The following CBL variants were observed in gnomAD, a reference collection of about 807,000 sequenced individuals.
CBL encodes the protein Cbl proto-oncogene, also known as E3 ubiquitin-protein ligase CBL.
A neutral mutation model predicts 96.9 loss-of-function variants in CBL; 45 were observed. That is an observed-to-expected ratio of 0.46 (90% CI 0.37 to 0.60). CBL has a LOEUF of 0.60. CBL is among the 20% of genes least tolerant of loss of function. The pLI is 0.00. For missense variants in CBL, 1,024 were observed against 1,143.5 expected (o/e 0.90, Z 1.51); for synonymous variants, 420 against 426.8 (o/e 0.98, Z 0.20).
In CBL at chr11:119,285,426, T is replaced by C. The variant is rs1271364778; in HGVS notation, c.1801T>C (p.Ser601Pro). 6.2e-7 allele frequency: 1 copy of C among 1,614,168 alleles called. No individual in the cohort carries two copies. Among genetic ancestry groups the C allele is most frequent in the Admixed American group, 1.7e-5 (1 of 60,016 alleles). The change falls in exon 11 of 16, where the codon TCT becomes CCT. Residue 601 changes from serine to proline, a missense_variant. Physicochemically the swap from Ser to Pro is moderately conservative, Grantham distance 74. Transcript: ENST00000264033. ...LPRPIPKVPVSAPSSSDPWTG... is the reference protein window; with the variant it reads ...LPRPIPKVPVPAPSSSDPWTG... The stretch of plus-strand genomic sequence containing the variant: ...CCGGCCAATCCCCAAAGTACCAGTA[T>C]CTGCCCCAAGTTCCAGTGATCCCTG...
intron 1 of CBL, among the ~76,000 whole-genome samples, chr11:119,213,752 G>C (rs1949336292): frequency 6.6e-6 from 1 of 152,022 alleles, no homozygotes. Flanking sequence ...TGATACCCAG[G>C]CTGGAGTGCA....
rs552496234 is a variant in CBL at position 119,301,902 on chromosome 11, A to C, written c.*2121A>C. 29 of 232,320 alleles carry C rather than the reference A, an allele frequency of 1.2e-4. No homozygotes were observed. The highest frequency in any genetic ancestry group is 5.8e-4 in the African/African-American group (26 of 45,072). 14.4% of individuals were successfully genotyped at this position (232,320 alleles called of 1,614,324 possible). A position where few individuals can be genotyped will look rare whatever the true frequency, so the allele number is the denominator to read the frequency against. On this transcript the variant is annotated 3_prime_UTR_variant, in exon 16 of 16. Coordinates refer to ENST00000264033, the MANE Select transcript of CBL (RefSeq NM_005188.4). The stretch of plus-strand genomic sequence containing the variant: ...TTGAAGGCCTAGACAAAGAACTAGA[A>C]AAAAAAAAGCAGTTTCCAGGCCCAT...
chr11:119,297,560 C>A, intron 14 of CBL, 79 bp downstream of exon 14: 1 of 1,075,430 alleles, frequency 9.3e-7, no homozygotes, highest in Non-Finnish European at 1.4e-6. Flanking sequence ...ATTGAGATAG[C>A]TTGATCTAAG....
At chr11:119,267,608 CTG>C (rs1290149241) in intron 2 of CBL, among the ~76,000 whole-genome samples, 4 of 152,188 alleles carry the variant, frequency 2.6e-5, no homozygotes, top group African/African-American at 9.7e-5. Context: ...TTCTCATACT[CTG>C]TGTTATTCTT....
chr11:119,252,949 C>T (rs1387019281), intron 2 of CBL, among the ~76,000 whole-genome samples: 3 of 151,160 alleles, frequency 2.0e-5, no homozygotes, highest in African/African-American at 7.3e-5. Flanking sequence ...AAATTATCTT[C>T]CTTGCAGATC....
chr11:119,260,139 C>T (rs1295000745), intron 2 of CBL, among the ~76,000 whole-genome samples: 2 of 152,174 alleles, frequency 1.3e-5, no homozygotes, highest in African/African-American at 4.8e-5. Flanking sequence ...AACCAACTTC[C>T]TCTTTCATGT....
chr11:119,301,456 C>G lies in CBL; in HGVS notation c.*1675C>G, dbSNP rs1950100971. 1 of 233,258 alleles carries G rather than the reference C, an allele frequency of 4.3e-6. No homozygotes were observed. The highest frequency in any genetic ancestry group is 5.6e-5 in the Admixed American group (1 of 17,806). The allele number at this position is 233,258 out of a possible 1,614,324, so 14.4% of individuals were successfully genotyped here. On this transcript the variant is annotated 3_prime_UTR_variant, in exon 16 of 16. Transcript: ENST00000264033. ...GAAGCAAGCCTGCTCTTTGATAAAT[C>G]TGTCTTCCTGAAAATCTAAATCATG...
intron 12 of CBL, among the ~76,000 whole-genome samples, chr11:119,294,750 C>T (rs991149938): frequency 9.3e-5 from 14 of 151,186 alleles, no homozygotes; most frequent in Non-Finnish European, 1.5e-4. Flanking sequence ...TAGATCACGC[C>T]GCTGCACTCC....
In CBL at chr11:119,308,125, A is replaced by G. The variant is rs1238433288; in HGVS notation, c.*8344A>G. Reference sequence around the variant, plus strand: ...CATGTCTGTAAAAAAATATTTTTAAATAAAGTTTCTTTTGTTGTAGCAGAC... The same window carrying G: ...CATGTCTGTAAAAAAATATTTTTAAGTAAAGTTTCTTTTGTTGTAGCAGAC... On this transcript the variant is annotated 3_prime_UTR_variant, in exon 16 of 16. Coordinates refer to ENST00000264033, the MANE Select transcript of CBL (RefSeq NM_005188.4). The G allele has an allele frequency of 1.8e-5, 3 of 170,480 alleles. No homozygotes were observed. The highest frequency in any genetic ancestry group is 3.8e-5 in the Non-Finnish European group (3 of 78,076). 10.6% of individuals were successfully genotyped at this position (170,480 alleles called of 1,614,324 possible). A position where few individuals can be genotyped will look rare whatever the true frequency, so the allele number is the denominator to read the frequency against.
Position 119,305,768 on chromosome 11 carries a change from A to T in CBL, c.*5987A>T, listed in dbSNP as rs150688966. 3.3e-3 allele frequency: 735 copies of T among 225,110 alleles called. 22 individuals are homozygous for T. In the East Asian group the frequency reaches 0.043, roughly 13 times the overall value. The allele number at this position is 225,110 out of a possible 1,614,324, so 13.9% of individuals were successfully genotyped here. A position where few individuals can be genotyped will look rare whatever the true frequency, so the allele number is the denominator to read the frequency against. ...AAGCTTTCCTTTTCTGTTTTTTTTT[A>T]AAACTATGCTTTTGCTTGCCTAAAT... On this transcript the variant is annotated 3_prime_UTR_variant, in exon 16 of 16. Transcript: ENST00000264033.
At chr11:119,283,412 G>A (rs1243083734) in intron 9 of CBL, among the ~76,000 whole-genome samples, 1 of 151,812 alleles carries the variant, frequency 6.6e-6, no homozygotes, top group Non-Finnish European at 1.5e-5. Context: ...GTGTTGCTTT[G>A]CTGTTGGGGA....
intron 2 of CBL, among the ~76,000 whole-genome samples, chr11:119,247,239 C>CTG (rs1422257936): frequency 6.6e-6 from 1 of 152,162 alleles, no homozygotes; most frequent in Non-Finnish European, 1.5e-5. Context: ...TGGTGAAAGA[C>CTG]TGAAAGCCTT....
At chr11:119,232,286 T>C (rs949538706) in intron 1 of CBL, among the ~76,000 whole-genome samples, 162 bp from the exon 2 acceptor site, 4 of 152,226 alleles carry the variant, frequency 2.6e-5, no homozygotes, top group African/African-American at 9.6e-5. Flanking sequence ...AATTTTAAAA[T>C]GGTTGCCTGT....
chr11:119,276,610 T>C (rs750128274), intron 6 of CBL, among the ~76,000 whole-genome samples: 8 of 152,248 alleles, frequency 5.3e-5, no homozygotes, highest in Non-Finnish European at 7.3e-5. Context: ...TAAGTCCTTA[T>C]TTATTCCAGA....
intron 2 of CBL, among the ~76,000 whole-genome samples, chr11:119,241,894 A>T (rs1392052737): frequency 6.6e-6 from 1 of 152,226 alleles, no homozygotes; most frequent in Non-Finnish European, 1.5e-5. Context: ...AAGCTAACAT[A>T]CCAGGACTTG....
At chr11:119,259,968 A>G (rs1949741655) in intron 2 of CBL, among the ~76,000 whole-genome samples, 1 of 152,200 alleles carries the variant, frequency 6.6e-6, no homozygotes, top group African/African-American at 2.4e-5. Flanking sequence ...TATCTTGTAC[A>G]AGGGCACTAG....
In CBL at chr11:119,285,494, A is replaced by C; in HGVS notation, c.1869A>C (p.Ser623=). The part of the protein sequence containing the change: ...ELTNRHSLPF[S]LPSQMEPRPD... ...CCAACCGGCACTCACTTCCATTTTC[A>C]TTGCCCTCACAAATGGAGCCCAGAC... The change falls in exon 11 of 16, where the codon TCA becomes TCC. Residue 623 remains serine, a synonymous_variant. Transcript: ENST00000264033. 6.2e-7 allele frequency: 1 copy of C among 1,614,022 alleles called. No individual in the cohort carries two copies. The highest frequency in any genetic ancestry group is 1.1e-5 in the South Asian group (1 of 91,064).
At chr11:119,272,354 T>C (rs977196221) in intron 3 of CBL, among the ~76,000 whole-genome samples, 1 of 152,168 alleles carries the variant, frequency 6.6e-6, no homozygotes, top group Non-Finnish European at 1.5e-5. Flanking sequence ...ACTTCTGACC[T>C]CGTGATCCAC....
At chr11:119,266,235 A>C (rs780268351) in intron 2 of CBL, among the ~76,000 whole-genome samples, 6 of 152,104 alleles carry the variant, frequency 3.9e-5, no homozygotes, top group Non-Finnish European at 8.8e-5. Flanking sequence ...CTTTCTCTTC[A>C]AAGTACCTTA....
Sources: allele counts gnomAD v4.1 joint callset (sites outside exome capture counted in the v4.1 genomes callset), GRCh38; gene constraint gnomAD v4.1.1; transcripts MANE v1.5; gene names NCBI Gene and HGNC (gene_info 2026-07-23, HGNC 2026-07-21).